The following QKI variants were observed in gnomAD, a reference collection of about 807,000 sequenced individuals.
The protein encoded by QKI is KH domain-containing RNA-binding protein QKI.
QKI carries 10 observed loss-of-function variants against 39.0 expected under a neutral mutation model. The ratio of observed to expected loss-of-function variants is 0.26; its 90% confidence interval spans 0.16 to 0.43. The LOEUF is 0.43. QKI is among the 20% of genes least tolerant of loss of function. The pLI is 1.00. For missense variants in QKI, 218 were observed against 428.0 expected (o/e 0.51, Z 4.33); for synonymous variants, 204 against 155.4 (o/e 1.31, Z -2.33).
intron 4 of QKI, among the ~76,000 whole-genome samples, chr6:163,535,366 G>A (rs1241657922): frequency 6.6e-6 from 1 of 152,084 alleles, no homozygotes; most frequent in African/African-American, 2.4e-5. Flanking sequence ...AAATTATCCA[G>A]ATGCTTTTGT....
rs542325434 is a variant in QKI at position 163,565,105 on chromosome 6, A to G, written c.934+1386A>G. Reference sequence around the variant, plus strand: ...ACATGTTTTCTGTTTAAATCATTGTATAAAGTAATTGCAGGTCAGAATTAT... The same window carrying G: ...ACATGTTTTCTGTTTAAATCATTGTGTAAAGTAATTGCAGGTCAGAATTAT... On this transcript the variant is annotated intron_variant, in intron 6 of 7. Transcript: ENST00000361752. The G allele has an allele frequency of 8.8e-6, 9 of 1,021,652 alleles. No homozygotes were observed. The East Asian group carries it at 4.4e-4, about 50-fold the overall frequency. 63.3% of individuals were successfully genotyped at this position (1,021,652 alleles called of 1,614,324 possible).
intron 4 of QKI, among the ~76,000 whole-genome samples, chr6:163,545,452 A>G (rs1346717647): frequency 6.6e-6 from 1 of 152,112 alleles, no homozygotes; most frequent in African/African-American, 2.4e-5. Flanking sequence ...ACATCATACC[A>G]TAATTATCTA....
chr6:163,429,743 A>G (rs759447632), intron 1 of QKI, among the ~76,000 whole-genome samples: 1 of 152,182 alleles, frequency 6.6e-6, no homozygotes, highest in Admixed American at 6.6e-5. Flanking sequence ...TCAGAGTTGC[A>G]TATTTCATGT....
At chr6:163,494,831 T>C (rs1236019396) in intron 3 of QKI, among the ~76,000 whole-genome samples, 2 of 152,112 alleles carry the variant, frequency 1.3e-5, no homozygotes, top group Admixed American at 6.5e-5. Flanking sequence ...AATACTTATG[T>C]TAGAGAAGCT....
chr6:163,558,384 T>C (rs1782774813), intron 4 of QKI, among the ~76,000 whole-genome samples: 1 of 151,630 alleles, frequency 6.6e-6, no homozygotes, highest in Non-Finnish European at 1.5e-5. Flanking sequence ...CCCTGTTGTC[T>C]CTTCTTTTTT....
chr6:163,485,501 G>A (rs926612757), intron 3 of QKI, among the ~76,000 whole-genome samples: 1 of 152,190 alleles, frequency 6.6e-6, no homozygotes, highest in Non-Finnish European at 1.5e-5. Flanking sequence ...GTATATATAT[G>A]CATGGTCATT....
At chr6:163,443,563 C>CAGT (rs1470761912) in intron 1 of QKI, among the ~76,000 whole-genome samples, 6 of 150,676 alleles carry the variant, frequency 4.0e-5, no homozygotes, top group Non-Finnish European at 7.4e-5. Context: ...CGTCTCAAAA[C>CAGT]AATAACAACA....
chr6:163,470,949 C>T (rs1259059676), intron 2 of QKI, among the ~76,000 whole-genome samples: 1 of 151,954 alleles, frequency 6.6e-6, no homozygotes, highest in Non-Finnish European at 1.5e-5. Context: ...TGGAATGGGA[C>T]AGAAGCAGAG....
intron 4 of QKI, among the ~76,000 whole-genome samples, chr6:163,552,520 C>A (rs1338463855): frequency 6.6e-6 from 1 of 151,964 alleles, no homozygotes; most frequent in Non-Finnish European, 1.5e-5. Flanking sequence ...TCATAAAGTT[C>A]TTTATCCTAA....
In QKI at chr6:163,571,675, A is replaced by T. The variant is rs1271922711; in HGVS notation, c.*965A>T. 2 of 151,974 alleles carry T rather than the reference A, an allele frequency of 1.3e-5. No homozygotes were observed. Among genetic ancestry groups the T allele is most frequent in the Non-Finnish European group, 2.9e-5 (2 of 67,998 alleles). The allele number at this position is 151,974 out of a possible 1,614,324, so 9.4% of individuals were successfully genotyped here. On this transcript the variant is annotated 3_prime_UTR_variant, in exon 8 of 8. Coordinates refer to ENST00000361752, the MANE Select transcript of QKI (RefSeq NM_006775.3). ...CAAGGGTGCTGGTGCAGAAAAAAAT[A>T]TATATATTTTTGGAAATGTAGCATT...
intron 1 of QKI, among the ~76,000 whole-genome samples, chr6:163,420,330 T>C (rs1399125705): frequency 6.6e-6 from 1 of 152,110 alleles, no homozygotes; most frequent in Non-Finnish European, 1.5e-5. Flanking sequence ...TTGTTTGATT[T>C]ATTTGTTTGA....
chr6:163,418,359 G>C (rs1787710241), intron 1 of QKI, among the ~76,000 whole-genome samples: 1 of 152,074 alleles, frequency 6.6e-6, no homozygotes, highest in Admixed American at 6.5e-5. Flanking sequence ...TAAGTGTGCT[G>C]GTTTTCCCAG....
At chr6:163,540,563 C>T (rs1781447458) in intron 4 of QKI, among the ~76,000 whole-genome samples, 1 of 152,102 alleles carries the variant, frequency 6.6e-6, no homozygotes, top group Admixed American at 6.6e-5. Context: ...GAAGCTTGAG[C>T]ATTATAAGGG....
At chr6:163,540,359 G>T (rs1781436755) in intron 4 of QKI, among the ~76,000 whole-genome samples, 1 of 152,044 alleles carries the variant, frequency 6.6e-6, no homozygotes, top group Admixed American at 6.6e-5. Flanking sequence ...ATTAAAGATT[G>T]TACTTCCTTC....
chr6:163,463,835 A>G (rs1176095639), intron 2 of QKI, among the ~76,000 whole-genome samples: 1 of 152,230 alleles, frequency 6.6e-6, no homozygotes, highest in African/African-American at 2.4e-5. Flanking sequence ...ATCCCAAACT[A>G]CTTTCCAAGC....
intron 2 of QKI, among the ~76,000 whole-genome samples, chr6:163,473,155 G>T (rs894064062): frequency 3.3e-5 from 5 of 152,126 alleles, no homozygotes; most frequent in South Asian, 2.1e-4. Flanking sequence ...CAGCTGTAAG[G>T]TCAGTCAGGT....
At chr6:163,513,915 T>C (rs2179523) in intron 3 of QKI, among the ~76,000 whole-genome samples, 104,895 of 151,774 alleles carry the variant, frequency 0.69, 37,315 homozygotes, top group East Asian at 1. Context: ...CACAGGGTAA[T>C]GCAGAGGCCA....
chr6:163,471,392 T>G (rs993384133), intron 2 of QKI, among the ~76,000 whole-genome samples: 6 of 151,976 alleles, frequency 3.9e-5, no homozygotes, highest in African/African-American at 1.4e-4. Context: ...CATAAAGGAA[T>G]AAAGAGCAAC....
chr6:163,421,894 G>A (rs1013541223), intron 1 of QKI, among the ~76,000 whole-genome samples: 13 of 151,848 alleles, frequency 8.6e-5, no homozygotes, highest in Non-Finnish European at 1.5e-4. Flanking sequence ...ACAGGCGCCC[G>A]CCACCACGCC....
Sources: gnomAD v4.1 joint callset for allele counts (sites outside exome capture counted in the v4.1 genomes callset) on GRCh38, gnomAD v4.1.1 for gene constraint, MANE v1.5 for transcripts, NCBI Gene and HGNC (gene_info 2026-07-23, HGNC 2026-07-21) for gene names.